Variants in ARB2A observed in about 807,000 individuals in gnomAD.
ARB2A encodes the protein cotranscriptional regulator ARB2A.
chr5:93,714,849 T>C, the ARB2A span, among the ~76,000 whole-genome samples: 38 of 152,210 alleles, frequency 2.5e-4, no homozygotes, highest in Non-Finnish European at 5.0e-4. Context: ...AAGTACATTA[T>C]TCAATCTTTA....
the ARB2A span, among the ~76,000 whole-genome samples, chr5:93,951,314 C>T: frequency 1.4e-4 from 21 of 152,164 alleles, no homozygotes; most frequent in Admixed American, 5.9e-4. Flanking sequence ...TTTTGTTGCA[C>T]GGGAACTTTT....
chr5:93,873,419 G>A, the ARB2A span, among the ~76,000 whole-genome samples: 1 of 149,950 alleles, frequency 6.7e-6, no homozygotes, highest in African/African-American at 2.5e-5. Flanking sequence ...GAAAGGAAAG[G>A]GGAAGGGAGG....
the ARB2A span, chr5:93,683,399 C>T: frequency 1.9e-6 from 3 of 1,602,758 alleles, no homozygotes; most frequent in East Asian, 2.2e-5. Flanking sequence ...ATGCACTGGC[C>T]CTGAACCACA....
the ARB2A span, among the ~76,000 whole-genome samples, chr5:94,096,723 G>A: frequency 6.6e-5 from 10 of 152,108 alleles, no homozygotes; most frequent in East Asian, 3.9e-4. Flanking sequence ...TTCTCCCATC[G>A]AGAGAACAGA....
At chr5:93,856,766 CCTT>C in the ARB2A span, among the ~76,000 whole-genome samples, 1 of 152,140 alleles carries the variant, frequency 6.6e-6, no homozygotes, top group South Asian at 2.1e-4. Context: ...TCATCTGAAG[CCTT>C]CTTCTCTCAA....
the ARB2A span, among the ~76,000 whole-genome samples, chr5:94,038,307 C>T: frequency 3.0e-4 from 46 of 152,060 alleles, no homozygotes; most frequent in East Asian, 6.8e-3. Context: ...AACATTATTT[C>T]TTGGCATTCA....
the ARB2A span, among the ~76,000 whole-genome samples, chr5:94,035,240 T>TACATATACATAC: frequency 6.6e-6 from 1 of 151,822 alleles, no homozygotes; most frequent in Non-Finnish European, 1.5e-5. Flanking sequence ...CATATACATA[T>TACATATACATAC]ACATATACAT....
the ARB2A span, among the ~76,000 whole-genome samples, chr5:94,019,246 C>A: frequency 6.6e-6 from 1 of 152,138 alleles, no homozygotes; most frequent in African/African-American, 2.4e-5. Context: ...AGGACATAGG[C>A]ATGGGCAAAG....
the ARB2A span, among the ~76,000 whole-genome samples, chr5:93,941,278 C>G: frequency 6.6e-6 from 1 of 151,794 alleles, no homozygotes; most frequent in South Asian, 2.1e-4. Context: ...TGCAGCAATT[C>G]AGATTGCTTC....
At chr5:93,931,347 C>A in the ARB2A span, among the ~76,000 whole-genome samples, 1 of 152,074 alleles carries the variant, frequency 6.6e-6, no homozygotes, top group Non-Finnish European at 1.5e-5. Context: ...GCCTGTAATC[C>A]CAGCTACTCG....
At chr5:94,010,392 A>G in the ARB2A span, among the ~76,000 whole-genome samples, 1 of 152,136 alleles carries the variant, frequency 6.6e-6, no homozygotes, top group Non-Finnish European at 1.5e-5. Context: ...AGCATATTGT[A>G]TATAGTCAGA....
the ARB2A span, among the ~76,000 whole-genome samples, chr5:94,030,359 G>A: frequency 2.0e-5 from 3 of 152,220 alleles, no homozygotes; most frequent in South Asian, 2.1e-4. Flanking sequence ...GATCATTCAG[G>A]TTGTTGGCAA....
chr5:93,885,798 T>C, the ARB2A span, among the ~76,000 whole-genome samples: 2 of 151,786 alleles, frequency 1.3e-5, no homozygotes, highest in South Asian at 2.1e-4. Context: ...AGTTCATTCC[T>C]AGACATAGCA....
the ARB2A span, among the ~76,000 whole-genome samples, chr5:93,986,383 CA>C: frequency 6.6e-6 from 1 of 151,168 alleles, no homozygotes; most frequent in African/African-American, 2.4e-5. Flanking sequence ...CCCCGCCCGG[CA>C]GCTGCCCCCT....
chr5:93,992,636 GT>G, the ARB2A span, among the ~76,000 whole-genome samples: 1 of 151,890 alleles, frequency 6.6e-6, no homozygotes, highest in Non-Finnish European at 1.5e-5. Context: ...TAATTATACA[GT>G]TTTGCCATGT....
the ARB2A span, among the ~76,000 whole-genome samples, chr5:93,788,202 TGAG>T: frequency 6.6e-6 from 1 of 151,862 alleles, no homozygotes. Flanking sequence ...GGGCTGAAAT[TGAG>T]GGGGGGAAAT....
At chr5:93,802,635 T>C in the ARB2A span, among the ~76,000 whole-genome samples, 1 of 152,106 alleles carries the variant, frequency 6.6e-6, no homozygotes, top group South Asian at 2.1e-4. Context: ...ATTATGCTTT[T>C]ATAAAAAGAT....
the ARB2A span, among the ~76,000 whole-genome samples, chr5:93,947,768 T>C: frequency 2.0e-5 from 3 of 148,686 alleles, no homozygotes; most frequent in African/African-American, 7.4e-5. Context: ...TATGCAGTGT[T>C]TGGTTTTTTG....
chr5:93,936,942 T>G, the ARB2A span, among the ~76,000 whole-genome samples: 52 of 145,040 alleles, frequency 3.6e-4, no homozygotes, highest in African/African-American at 1.3e-3. Context: ...TTATAAAGGT[T>G]TTTTTTTTTT....
Sources: gnomAD v4.1 joint callset for allele counts (sites outside exome capture counted in the v4.1 genomes callset) on GRCh38, gnomAD v4.1.1 for gene constraint, MANE v1.5 for transcripts, NCBI Gene and HGNC (gene_info 2026-07-23, HGNC 2026-07-21) for gene names.